BCAS3: variants seen among roughly 807,000 people sequenced by gnomAD.
The protein encoded by BCAS3 is BCAS3 microtubule associated cell migration factor.
BCAS3 carries 53 observed loss-of-function variants against 116.1 expected under a neutral mutation model. The observed-to-expected ratio is 0.46, with a 90% CI of 0.37 to 0.57. The LOEUF (loss-of-function observed/expected upper bound fraction) is 0.57. Among genes scored for constraint, BCAS3 ranks in the 20% least tolerant of loss-of-function variants. BCAS3 has a pLI of 0.00. For missense variants in BCAS3, 917 were observed against 1,165.4 expected, an observed-to-expected ratio of 0.79 and a Z score of 3.10; for synonymous variants, 391 against 408.2, an observed-to-expected ratio of 0.96 and a Z score of 0.51.
At chr17:61,358,823 G>C (rs2058294608) in intron 22 of BCAS3, among the ~76,000 whole-genome samples, 1 of 152,120 alleles carries the variant, frequency 6.6e-6, no homozygotes, top group African/African-American at 2.4e-5. Flanking sequence ...TTGCCAAATT[G>C]CCCGTCAGAT....
intron 22 of BCAS3, chr17:61,086,907 T>A (rs1020685895): frequency 6.1e-6 from 6 of 985,290 alleles, no homozygotes; most frequent in Admixed American, 6.2e-5. Flanking sequence ...TTTGAGTGAA[T>A]AATGTTTTGT....
intron 22 of BCAS3, among the ~76,000 whole-genome samples, chr17:61,275,471 G>A (rs2050688039): frequency 6.6e-6 from 1 of 151,996 alleles, no homozygotes; most frequent in African/African-American, 2.4e-5. Flanking sequence ...AGAAAGCTCA[G>A]TGTTTAGCGG....
intron 15 of BCAS3, among the ~76,000 whole-genome samples, chr17:61,000,868 C>T (rs949320389): frequency 2.6e-5 from 4 of 152,108 alleles, no homozygotes; most frequent in African/African-American, 9.7e-5. Flanking sequence ...TAATTGTATA[C>T]ATCAGGAAAT....
chr17:61,261,555 A>C lies in BCAS3; in HGVS notation c.2426-106772A>C, dbSNP rs1213173646. Among the ~76,000 whole-genome samples the C allele has an allele frequency of 6.6e-6, 1 of 152,134 alleles. No individual in the cohort carries two copies. The highest frequency in any genetic ancestry group is 1.5e-5 in the Non-Finnish European group (1 of 68,006). On this transcript the variant is annotated intron_variant, in intron 22 of 23. Transcript: ENST00000407086. The surrounding 1 kb of genome is among the most constrained non-coding windows in gnomAD (Gnocchi z 4.4). ...CATTCATTAGAAAAAAGAGCTGTTT[A>C]TTTCTTTTCCGCATGTTTTCCCCCT...
At chr17:60,831,490 C>T (rs139398127) in intron 7 of BCAS3, among the ~76,000 whole-genome samples, 37 of 152,260 alleles carry the variant, frequency 2.4e-4, no homozygotes, top group African/African-American at 8.4e-4. Context: ...TTATGTCTTC[C>T]TTATGTTAAC....
intron 10 of BCAS3, among the ~76,000 whole-genome samples, chr17:60,894,061 T>C (rs2057355089): frequency 6.6e-6 from 1 of 152,144 alleles, no homozygotes; most frequent in South Asian, 2.1e-4. Context: ...TATTTTATTT[T>C]ATTTTATTTT....
intron 22 of BCAS3, among the ~76,000 whole-genome samples, chr17:61,099,650 A>T (rs1568351429): frequency 6.6e-6 from 1 of 152,230 alleles, no homozygotes; most frequent in Non-Finnish European, 1.5e-5. Flanking sequence ...CTTTCGTTCT[A>T]TTAGGCTTAG....
At chr17:60,842,487 A>G (rs1026338610) in intron 7 of BCAS3, among the ~76,000 whole-genome samples, 33 of 151,984 alleles carry the variant, frequency 2.2e-4, no homozygotes, top group African/African-American at 7.7e-4. Context: ...AAAAGAAAGT[A>G]TACTAGAACA....
chr17:61,246,306 C>T (rs868460986), intron 22 of BCAS3, among the ~76,000 whole-genome samples: 1 of 151,642 alleles, frequency 6.6e-6, no homozygotes, highest in Non-Finnish European at 1.5e-5. Flanking sequence ...CATGACGAAA[C>T]CCCATCTCTA....
At chr17:61,075,428 C>T (rs1163909824) in intron 20 of BCAS3, among the ~76,000 whole-genome samples, 1 of 152,136 alleles carries the variant, frequency 6.6e-6, no homozygotes, top group Admixed American at 6.5e-5. Flanking sequence ...GATTCTCATG[C>T]CTCAGCTTCT....
At position 61,196,243 on chromosome 17, in the gene BCAS3, A is replaced by G. The variant is rs2080471247; in HGVS notation, c.2425+111679A>G. On this transcript the variant is annotated intron_variant, in intron 22 of 23. Coordinates refer to ENST00000407086, the MANE Select transcript of BCAS3 (RefSeq NM_017679.5). The surrounding 1 kb of genome is among the most constrained non-coding windows in gnomAD (Gnocchi z 4.7). ...CTCAGAATTTATTTTTTCAACTGAT[A>G]CTTCCAGCTCTGGATTCTGTGACAT... Among the ~76,000 whole-genome samples, 1 of 152,192 alleles carries G rather than the reference A, an allele frequency of 6.6e-6. No homozygotes were observed.
In BCAS3 at chr17:61,106,451, A is replaced by G. The variant is rs984962923; in HGVS notation, c.2425+21887A>G. Among the ~76,000 whole-genome samples, 21 of 152,232 alleles carry G rather than the reference A, an allele frequency of 1.4e-4. No homozygotes were observed. The highest frequency in any genetic ancestry group is 4.1e-4 in the African/African-American group (17 of 41,474). On this transcript the variant is annotated intron_variant, in intron 22 of 23. Coordinates refer to ENST00000407086, the MANE Select transcript of BCAS3 (RefSeq NM_017679.5). This position sits in a 1 kb window ranked among gnomAD's most constrained non-coding sequence, Gnocchi z 4.2. ...TGGGAGTAATAAAAGAGGTTATAGC[A>G]TATAGCTTAGGTGTGTTGTAGGCTA... is the stretch of plus-strand genomic sequence containing the variant.
chr17:61,371,822 A>T, intron 23 of BCAS3, among the ~76,000 whole-genome samples: 1 of 152,326 alleles, frequency 6.6e-6, no homozygotes, highest in South Asian at 2.1e-4. Flanking sequence ...TGCTCAGCCG[A>T]GGTCTGCATT....
At chr17:60,919,676 T>G (rs926441612) in intron 12 of BCAS3, among the ~76,000 whole-genome samples, 4 of 150,246 alleles carry the variant, frequency 2.7e-5, no homozygotes, top group Admixed American at 1.3e-4. Context: ...TCCTGTGTGT[T>G]TTTTTTTTTA....
At chr17:60,861,342 A>G (rs372257886) in intron 7 of BCAS3, among the ~76,000 whole-genome samples, 4 of 152,192 alleles carry the variant, frequency 2.6e-5, no homozygotes, top group East Asian at 3.8e-4. Flanking sequence ...CATTGATTTT[A>G]TATCCTGAAA....
chr17:61,392,287 C>A lies in BCAS3; in HGVS notation c.*162C>A. The A allele has an allele frequency of 2.4e-6, 2 of 845,026 alleles. No individual in the cohort carries two copies. Among genetic ancestry groups the A allele is most frequent in the Non-Finnish European group, 3.6e-6 (2 of 559,130 alleles). The allele number at this position is 845,026 out of a possible 1,614,324, so 52.3% of individuals were successfully genotyped here. A position where few individuals can be genotyped will look rare whatever the true frequency, so the allele number is the denominator to read the frequency against. On this transcript the variant is annotated 3_prime_UTR_variant, in exon 24 of 24. Transcript: ENST00000407086. The surrounding 1 kb of genome is among the most constrained non-coding windows in gnomAD (Gnocchi z 6.4). Reference sequence around the variant, plus strand: ...CATCCTACCTGGATGGAGAAGAGACCCTTCTCCAAGCACCTCAGCGCACTT... The same window carrying A: ...CATCCTACCTGGATGGAGAAGAGACACTTCTCCAAGCACCTCAGCGCACTT...
intron 22 of BCAS3, among the ~76,000 whole-genome samples, chr17:61,357,979 T>C (rs2058248463): frequency 6.6e-6 from 1 of 151,760 alleles, no homozygotes; most frequent in Non-Finnish European, 1.5e-5. Context: ...TCCCAGCTCC[T>C]TGGGATGCTA....
At chr17:60,860,668 G>A (rs185111779) in intron 7 of BCAS3, among the ~76,000 whole-genome samples, 1 of 152,254 alleles carries the variant, frequency 6.6e-6, no homozygotes, top group East Asian at 1.9e-4. Flanking sequence ...ACAGTGGAAA[G>A]ATTTTCATAT....
In BCAS3 at chr17:61,130,014, A is replaced by C. The variant is rs1251566602; in HGVS notation, c.2425+45450A>C. On this transcript the variant is annotated intron_variant, in intron 22 of 23. Transcript: ENST00000407086. This position sits in a 1 kb window ranked among gnomAD's most constrained non-coding sequence, Gnocchi z 5.0. ...TTGTTTTGTAGCTTTTTGTTTATAA[A>C]GGCAATGTTGTATTCCACAGCATCA... 6.6e-6 allele frequency among the ~76,000 whole-genome samples: 1 copy of C among 152,200 alleles called. No individual in the cohort carries two copies. Among genetic ancestry groups the C allele is most frequent in the Non-Finnish European group, 1.5e-5 (1 of 68,028 alleles).
Sources: allele counts gnomAD v4.1 joint callset (sites outside exome capture counted in the v4.1 genomes callset), GRCh38; gene constraint gnomAD v4.1.1; non-coding constraint Gnocchi (gnomAD v3.1); transcripts MANE v1.5; gene names NCBI Gene and HGNC (gene_info 2026-07-23, HGNC 2026-07-21).